BICC1: variants seen among roughly 807,000 people sequenced by gnomAD.
BICC1 encodes the protein BicC family RNA binding protein 1.
BICC1 carries 43 observed loss-of-function variants against 111.0 expected under a neutral mutation model. The observed-to-expected ratio is 0.39, with a 90% CI of 0.30 to 0.50. The LOEUF is 0.50. Among genes scored for constraint, BICC1 ranks in the 20% least tolerant of loss-of-function variants. BICC1 has a pLI of 0.88. For synonymous variants in BICC1, 467 were observed against 434.4 expected, an observed-to-expected ratio of 1.07 and a Z score of -0.93; for missense variants, 1,091 against 1,203.2, an observed-to-expected ratio of 0.91 and a Z score of 1.38.
At chr10:58,547,938 T>C (rs1843184539) in intron 1 of BICC1, among the ~76,000 whole-genome samples, 1 of 152,182 alleles carries the variant, frequency 6.6e-6, no homozygotes, top group African/African-American at 2.4e-5. Context: ...AGCCCTGGTT[T>C]CTTTTATTGG....
chr10:58,800,769 C>T (rs965014682), intron 13 of BICC1, 121 bp from the exon 14 acceptor site: 1 of 984,218 alleles, frequency 1.0e-6, no homozygotes, highest in African/African-American at 1.7e-5. Context: ...TGGAAGAGGT[C>T]TCTGTCAGGT....
intron 1 of BICC1, among the ~76,000 whole-genome samples, chr10:58,554,901 T>A (rs186490305): frequency 6.6e-6 from 1 of 151,852 alleles, no homozygotes; most frequent in African/African-American, 2.4e-5. Flanking sequence ...AATATTTTAC[T>A]ATTTTATTTT....
intron 3 of BICC1, among the ~76,000 whole-genome samples, chr10:58,731,430 C>T (rs1256395891): frequency 6.6e-6 from 1 of 152,210 alleles, no homozygotes; most frequent in Non-Finnish European, 1.5e-5. Context: ...CTTCCTATTA[C>T]CCAGTTCCAA....
At chr10:58,797,894 T>C (rs1173537348) in intron 10 of BICC1, among the ~76,000 whole-genome samples, 1 of 152,172 alleles carries the variant, frequency 6.6e-6, no homozygotes, top group Non-Finnish European at 1.5e-5. Flanking sequence ...GTCATGTATA[T>C]GTTTTGAGAT....
At chr10:58,530,700 AAG>A (rs1554802337) in intron 1 of BICC1, among the ~76,000 whole-genome samples, 42,323 of 121,498 alleles carry the variant, frequency 0.35, 6,766 homozygotes, top group Admixed American at 0.51. Context: ...AAAAAAAAAA[AAG>A]AAAATCAGAA....
intron 2 of BICC1, among the ~76,000 whole-genome samples, chr10:58,623,398 C>T (rs987980665): frequency 5.4e-5 from 8 of 148,502 alleles, no homozygotes; most frequent in South Asian, 2.1e-4. Flanking sequence ...ATTGAGTCAA[C>T]GTTACTGTTT....
intron 1 of BICC1, among the ~76,000 whole-genome samples, chr10:58,607,345 A>AAATAAATAAATAAATAAAT (rs1355076379): frequency 7.8e-5 from 2 of 25,554 alleles, no homozygotes; most frequent in South Asian, 3.8e-3. Flanking sequence ...AATAAATAAA[A>AAATAAATAAATAAATAAAT]CTGTCATGCT....
chr10:58,709,693 T>C (rs534899835), intron 3 of BICC1, among the ~76,000 whole-genome samples: 1 of 152,340 alleles, frequency 6.6e-6, no homozygotes, highest in South Asian at 2.1e-4. Flanking sequence ...TGAGTGATAA[T>C]CACTGTTATG....
chr10:58,785,130 G>GTTCT, intron 4 of BICC1, 50 bp downstream of exon 4: 8 of 1,106,060 alleles, frequency 7.2e-6, no homozygotes, highest in African/African-American at 1.6e-5. Context: ...TCTCTACAAG[G>GTTCT]GCTACTTCAT....
At chr10:58,521,768 G>GTTTTTTTTTTT (rs573116230) in intron 1 of BICC1, among the ~76,000 whole-genome samples, 3 of 112,810 alleles carry the variant, frequency 2.7e-5, no homozygotes, top group Non-Finnish European at 5.7e-5. Context: ...GGAATGTGGT[G>GTTTTTTTTTTT]TTTTTTTTTT....
intron 1 of BICC1, among the ~76,000 whole-genome samples, chr10:58,521,746 AAAATCAGCCAGGG>A (rs1418398495): frequency 7.1e-6 from 1 of 141,514 alleles, no homozygotes. Flanking sequence ...TGTGGGCATG[AAAATCAGCCAGGG>A]AATGTGGTGT....
Position 58,671,427 on chromosome 10 carries a change from G to A in BICC1, c.238-30647G>A, listed in dbSNP as rs886089276. Among the ~76,000 whole-genome samples, 71 of 152,156 alleles carry A rather than the reference G, an allele frequency of 4.7e-4. 1 individual carries two copies. Among genetic ancestry groups the A allele is most frequent in the African/African-American group, 1.7e-3 (69 of 41,526 alleles). ...AACTGTGGATATCACAGTCCAGTTGGCAGGCTGGAGGGAGACACAAAAGAC... is the reference window on the plus strand; with the variant it reads ...AACTGTGGATATCACAGTCCAGTTGACAGGCTGGAGGGAGACACAAAAGAC... On this transcript the variant is annotated intron_variant, in intron 2 of 20. Coordinates refer to ENST00000373886, the MANE Select transcript of BICC1 (RefSeq NM_001080512.3).
chr10:58,767,973 AT>A (rs1418562361), intron 3 of BICC1, among the ~76,000 whole-genome samples: 1 of 152,146 alleles, frequency 6.6e-6, no homozygotes, highest in African/African-American at 2.4e-5. Flanking sequence ...GAGAAATAAT[AT>A]ATGCAATATG....
At chr10:58,648,138 G>A (rs1157472803) in intron 2 of BICC1, among the ~76,000 whole-genome samples, 1 of 152,164 alleles carries the variant, frequency 6.6e-6, no homozygotes, top group Non-Finnish European at 1.5e-5. Context: ...TTTCTAGCAG[G>A]CCATTAGGCA....
At chr10:58,782,638 A>G (rs372987580) in intron 3 of BICC1, among the ~76,000 whole-genome samples, 1 of 152,198 alleles carries the variant, frequency 6.6e-6, no homozygotes, top group African/African-American at 2.4e-5. Flanking sequence ...AGTTAAGGAT[A>G]GTTGAGAGTG....
At chr10:58,743,628 A>G (rs1201868127) in intron 3 of BICC1, among the ~76,000 whole-genome samples, 1 of 152,114 alleles carries the variant, frequency 6.6e-6, no homozygotes, top group East Asian at 1.9e-4. Flanking sequence ...TTATCATGCT[A>G]GCTTCAGTGC....
At chr10:58,592,875 CAAAAAAAAAA>C (rs969508229) in intron 1 of BICC1, among the ~76,000 whole-genome samples, 2 of 46,650 alleles carry the variant, frequency 4.3e-5, no homozygotes, top group African/African-American at 1.7e-4. Flanking sequence ...GACTCCGTCT[CAAAAAAAAAA>C]AAAAAAAAAA....
At chr10:58,714,104 G>A (rs1404888652) in intron 3 of BICC1, among the ~76,000 whole-genome samples, 4 of 152,150 alleles carry the variant, frequency 2.6e-5, no homozygotes, top group South Asian at 2.1e-4. Flanking sequence ...AAATTATCTA[G>A]CACAAAACGC....
chr10:58,813,601 A>G (rs1442364254), intron 17 of BICC1, among the ~76,000 whole-genome samples: 1 of 152,190 alleles, frequency 6.6e-6, no homozygotes, highest in Admixed American at 6.5e-5. Context: ...TCTACTCCCC[A>G]TAATGAAAGA....
Sources: gnomAD v4.1 joint callset for allele counts (sites outside exome capture counted in the v4.1 genomes callset) on GRCh38, gnomAD v4.1.1 for gene constraint, MANE v1.5 for transcripts, NCBI Gene and HGNC (gene_info 2026-07-23, HGNC 2026-07-21) for gene names.